The following KCTD5 variants were observed in gnomAD, a reference collection of about 807,000 sequenced individuals.
KCTD5 encodes the protein BTB/POZ domain-containing protein KCTD5.
In KCTD5, 12 loss-of-function variants were observed where a neutral mutation model predicts 27.9. The ratio of observed to expected loss-of-function variants is 0.43; its 90% CI spans 0.28 to 0.70. The LOEUF is 0.70. Among genes scored for constraint, KCTD5 ranks in the 30% least tolerant of loss-of-function variants. The pLI is 0.19. For synonymous variants in KCTD5, 147 were observed against 121.4 expected, an observed-to-expected ratio of 1.21 and a Z score of -1.39; for missense variants, 226 against 274.8, an observed-to-expected ratio of 0.82 and a Z score of 1.26.
At position 2,682,932 on chromosome 16, in the gene KCTD5, C is replaced by T. The variant is rs528512886; in HGVS notation, c.252+132C>T. ...TCCTCGGGCTTCGAGCCCCGCGCTC[C>T]CTTGTCGCCAGCTCCTCCCCAGCTT... On this transcript the variant is annotated intron_variant, in intron 1 of 5. Transcript: ENST00000301738. 4 of 1,160,394 alleles carry T rather than the reference C, an allele frequency of 3.4e-6. No homozygotes were observed. The South Asian group carries it at 5.4e-5, about 16-fold the overall frequency. 71.9% of individuals were successfully genotyped at this position (1,160,394 alleles called of 1,614,324 possible).
chr16:2,688,493 C>T lies in KCTD5; in HGVS notation c.252+5693C>T, dbSNP rs557265870. ...CTCGAACTCCTGACCTCAGGTCATC[C>T]GCCCTCCTTGGCCTCCCAAAGTGCT... On this transcript the variant is annotated intron_variant, in intron 1 of 5. Transcript: ENST00000301738. Among the ~76,000 whole-genome samples, 276 of 152,102 alleles carry T rather than the reference C, an allele frequency of 1.8e-3. 1 individual carries two copies. Among genetic ancestry groups the T allele is most frequent in the Admixed American group, 3.2e-3 (49 of 15,286 alleles).
Position 2,682,707 on chromosome 16 carries a change from C to G in KCTD5, c.159C>G (p.Thr53=), listed in dbSNP as rs2067523656. The stretch of plus-strand genomic sequence containing the variant: ...GGGTCCGACTCAACGTCGGCGGCAC[C>G]TACTTCCTCACCACTCGGCAGACCC... ...SKWVRLNVGG[T]YFLTTRQTLC... The change falls in exon 1 of 6, where the codon ACC becomes ACG. Residue 53 remains threonine (T), a synonymous_variant. Coordinates refer to ENST00000301738, the MANE Select transcript of KCTD5 (RefSeq NM_018992.4). The G allele has an allele frequency of 6.2e-7, 1 of 1,610,186 alleles. No individual in the cohort carries two copies. The highest frequency in any genetic ancestry group is 1.7e-5 in the Admixed American group (1 of 59,774).
chr16:2,684,462 G>C (rs138204069), intron 1 of KCTD5: 1 of 151,808 alleles, frequency 6.6e-6, no homozygotes, highest in South Asian at 2.1e-4. Flanking sequence ...GGTGATGCCC[G>C]GTCTCTACTA....
intron 5 of KCTD5, among the ~76,000 whole-genome samples, chr16:2,702,957 G>A (rs1422448051): frequency 1.3e-5 from 2 of 152,138 alleles, no homozygotes; most frequent in African/African-American, 4.8e-5. Context: ...CCACTACGTG[G>A]GCCTCATCTT....
chr16:2,687,422 C>G (rs1000844714), intron 1 of KCTD5, among the ~76,000 whole-genome samples: 2 of 152,180 alleles, frequency 1.3e-5, no homozygotes, highest in Non-Finnish European at 2.9e-5. Context: ...TCTTTCTGGC[C>G]CTGCAGATAC....
At chr16:2,703,488 G>A (rs2067621547) in intron 5 of KCTD5, among the ~76,000 whole-genome samples, 1 of 152,178 alleles carries the variant, frequency 6.6e-6, no homozygotes, top group South Asian at 2.1e-4. Context: ...TTAAACCAGG[G>A]ACACCTGGGC....
rs749124755 is a variant in KCTD5, at chr16:2,699,838, G to A, written c.471G>A (p.Val157=). 5.6e-6 allele frequency: 9 copies of A among 1,613,752 alleles called. No individual in the cohort carries two copies. Among genetic ancestry groups the A allele is most frequent in the Non-Finnish European group, 6.8e-6 (8 of 1,179,880 alleles). The change falls in exon 4 of 6, where the codon GTG becomes GTA. Residue 157 remains valine, a synonymous_variant. Transcript: ENST00000301738. ...CCTTGCAGGTGCCTGTGAAGCATGTGTACCGTGTGCTGCAGTGCCAGGAGG... is the reference window on the plus strand; with the variant it reads ...CCTTGCAGGTGCCTGTGAAGCATGTATACCGTGTGCTGCAGTGCCAGGAGG... ...SKTSQVPVKH[V]YRVLQCQEEE...
At position 2,707,292 on chromosome 16, in the gene KCTD5, T is replaced by C; in HGVS notation, c.676-6T>C. The C allele has an allele frequency of 3.1e-6, 5 of 1,613,708 alleles. No individual in the cohort carries two copies. Among genetic ancestry groups the C allele is most frequent in the Non-Finnish European group, 4.2e-6 (5 of 1,179,638 alleles). On this transcript the variant is annotated splice_region_variant and splice_polypyrimidine_tract_variant and intron_variant, in intron 5 of 5. Coordinates refer to ENST00000301738, the MANE Select transcript of KCTD5 (RefSeq NM_018992.4). ...GTCCTCATTTTATGCATTTGGTGTT[T>C]TTCAGATTTTGCAAGAACGAGGCTC... is the stretch of plus-strand genomic sequence containing the variant.
At chr16:2,690,374 G>A (rs2067560717) in intron 1 of KCTD5, among the ~76,000 whole-genome samples, 1 of 152,248 alleles carries the variant, frequency 6.6e-6, no homozygotes, top group African/African-American at 2.4e-5. Context: ...TGAAGCCTGG[G>A]ACCTCTGGAG....
rs577764024 is a variant in KCTD5 at position 2,690,655 on chromosome 16, T to C, written c.253-5280T>C. On this transcript the variant is annotated intron_variant, in intron 1 of 5. Transcript: ENST00000301738. ...CCCAGCCCGCAGCATCTCACTGGCT[T>C]CCTGGCCGCCTCTCCTCATCCCAGT... 8.5e-5 allele frequency among the ~76,000 whole-genome samples: 13 copies of C among 152,264 alleles called. 1 individual carries two copies. The East Asian group carries it at 2.5e-3, about 29-fold the overall frequency.
intron 1 of KCTD5, among the ~76,000 whole-genome samples, chr16:2,687,739 C>T (rs1213894509): frequency 5.3e-5 from 8 of 150,682 alleles, no homozygotes; most frequent in African/African-American, 2.0e-4. Context: ...GTTCTTTTAG[C>T]AGCCCCCCTC....
rs1444627318 is a variant in KCTD5, at chr16:2,697,789, G to A, written c.362-117G>A. On this transcript the variant is annotated intron_variant, in intron 2 of 5. Transcript: ENST00000301738. ...GGTCGGGGCCTGAGCAGCTCCCGCT[G>A]GGCCGAGCCATGGGCCCTCATTGCA... The A allele has an allele frequency of 3.2e-5, 23 of 727,586 alleles. No individual in the cohort carries two copies. In the East Asian group the frequency reaches 5.8e-4, roughly 18 times the overall value. 45.1% of individuals were successfully genotyped at this position (727,586 alleles called of 1,614,324 possible).
At position 2,682,602 on chromosome 16, in the gene KCTD5, G is replaced by A; in HGVS notation, c.54G>A (p.Ala18=). Residue 18 remains alanine (A), a synonymous_variant, in exon 1 of 6, where the codon GCG becomes GCA. Coordinates refer to ENST00000301738, the MANE Select transcript of KCTD5 (RefSeq NM_018992.4). ...LLSPARGGIG[A]GLGGGLCRRC... ...CGCCGGCCCGGGGCGGCATCGGGGC[G>A]GGGCTGGGGGGCGGCCTGTGCCGCC... is the stretch of plus-strand genomic sequence containing the variant. 4.8e-6 allele frequency: 7 copies of A among 1,462,506 alleles called. No homozygotes were observed. Among genetic ancestry groups the A allele is most frequent in the Non-Finnish European group, 6.3e-6 (7 of 1,113,060 alleles). 90.6% of individuals were successfully genotyped at this position (1,462,506 alleles called of 1,614,324 possible). A position where few individuals can be genotyped will look rare whatever the true frequency, so the allele number is the denominator to read the frequency against.
intron 4 of KCTD5, among the ~76,000 whole-genome samples, chr16:2,702,068 C>T (rs543650163): frequency 3.3e-5 from 5 of 152,222 alleles, no homozygotes; most frequent in Non-Finnish European, 7.3e-5. Flanking sequence ...GTCTGTGCTC[C>T]GTCCCCCTGG....
intron 1 of KCTD5, among the ~76,000 whole-genome samples, chr16:2,692,849 G>A (rs532688840): frequency 8.5e-5 from 13 of 152,374 alleles, no homozygotes; most frequent in African/African-American, 3.1e-4. Flanking sequence ...GTGAGAGCAG[G>A]CACTTCTGAG....
Position 2,702,323 on chromosome 16 carries a change from G to T in KCTD5, c.550-30G>T, listed in dbSNP as rs371740693. On this transcript the variant is annotated intron_variant, in intron 4 of 5. Transcript: ENST00000301738. ...TGGCTGGGTCTCTCAGGCTTCACTG[G>T]GCTGCGTCTCAGGCTATGTCTCCTT... is the stretch of plus-strand genomic sequence containing the variant. 15 of 1,612,746 alleles carry T rather than the reference G, an allele frequency of 9.3e-6. No homozygotes were observed. The African/African-American group carries it at 2.0e-4, about 22-fold the overall frequency.
At chr16:2,700,035 C>T in intron 4 of KCTD5, 119 bp downstream of exon 4, 1 of 910,946 alleles carries the variant, frequency 1.1e-6, no homozygotes, top group Middle Eastern at 2.6e-4. Flanking sequence ...TCCTGCAGTT[C>T]TGGGGGTGCT....
In KCTD5 at chr16:2,702,496, C is replaced by G. The variant is rs377197615; in HGVS notation, c.675+18C>G. ...AGGCCAAGGTGAGTGCTGGGCCGGCCCTGGCCTGGGGCAGTCTTGGGTGGG... is the reference window on the plus strand; with the variant it reads ...AGGCCAAGGTGAGTGCTGGGCCGGCGCTGGCCTGGGGCAGTCTTGGGTGGG... On this transcript the variant is annotated intron_variant, in intron 5 of 5. Coordinates refer to ENST00000301738, the MANE Select transcript of KCTD5 (RefSeq NM_018992.4). 8.7e-5 allele frequency: 140 copies of G among 1,611,868 alleles called. 1 individual carries two copies. The African/African-American group carries it at 1.2e-3, about 14-fold the overall frequency.
chr16:2,690,470 C>T (rs754387786), intron 1 of KCTD5, among the ~76,000 whole-genome samples: 14 of 152,186 alleles, frequency 9.2e-5, no homozygotes, highest in Non-Finnish European at 1.8e-4. Flanking sequence ...TTCAGTGAGA[C>T]GCGGGGAAGA....
Sources: allele counts gnomAD v4.1 joint callset (sites outside exome capture counted in the v4.1 genomes callset), GRCh38; gene constraint gnomAD v4.1.1; transcripts MANE v1.5; gene names NCBI Gene and HGNC (gene_info 2026-07-23, HGNC 2026-07-21).